The following TXNDC12 variants were observed in gnomAD, a reference collection of about 807,000 sequenced individuals.
TXNDC12 encodes the protein thioredoxin domain containing 12.
A neutral mutation model predicts 24.2 loss-of-function variants in TXNDC12; 22 were observed. That is an observed-to-expected ratio of 0.91 (90% CI 0.65 to 1.30). TXNDC12 has a LOEUF of 1.30. TXNDC12 is among the 50% of genes most tolerant of loss of function. The pLI, the probability that TXNDC12 is intolerant of heterozygous loss-of-function variation, is 0.00. For synonymous variants in TXNDC12, 58 were observed against 73.4 expected (o/e 0.79, Z 1.07); for missense variants, 184 against 205.8 (o/e 0.89, Z 0.65).
intron 1 of TXNDC12, 71 bp downstream of exon 1, chr1:52,054,929 G>T: frequency 8.2e-7 from 1 of 1,219,478 alleles, no homozygotes; most frequent in Non-Finnish European, 1.2e-6. Flanking sequence ...AACGGTGCTA[G>T]GGCAAGAAGA....
At chr1:52,045,109 G>T (rs1686066820) in intron 1 of TXNDC12, among the ~76,000 whole-genome samples, 1 of 152,268 alleles carries the variant, frequency 6.6e-6, no homozygotes, top group East Asian at 1.9e-4. Flanking sequence ...GCCACGAAAA[G>T]ACATTGAAGA....
At chr1:52,046,866 A>AAAT (rs1229275355) in intron 1 of TXNDC12, among the ~76,000 whole-genome samples, 101 of 30,150 alleles carry the variant, frequency 3.3e-3, no homozygotes, top group Middle Eastern at 0.021. Flanking sequence ...AAAAAAAAAA[A>AAAT]ATATATATAT....
intron 1 of TXNDC12, among the ~76,000 whole-genome samples, chr1:52,041,973 C>T (rs1261938492): frequency 6.6e-6 from 1 of 152,198 alleles, no homozygotes; most frequent in African/African-American, 2.4e-5. Context: ...TTCAGCAATA[C>T]AGCTTTAGAT....
At chr1:52,029,755 ATAAAT>A (rs1320973743) in intron 2 of TXNDC12, among the ~76,000 whole-genome samples, 2 of 152,222 alleles carry the variant, frequency 1.3e-5, no homozygotes, top group Admixed American at 1.3e-4. Flanking sequence ...GTAAATATAC[ATAAAT>A]TAACTCATTT....
chr1:52,044,234 CA>C (rs1455545579), intron 1 of TXNDC12: 7 of 152,214 alleles, frequency 4.6e-5, no homozygotes, highest in African/African-American at 1.7e-4. Flanking sequence ...CCTCCATAAA[CA>C]CAAAGCAAGC....
chr1:52,034,054 A>G, intron 2 of TXNDC12: 1 of 1,336,394 alleles, frequency 7.5e-7, no homozygotes, highest in Non-Finnish European at 9.5e-7. Flanking sequence ...AATAAGGCCT[A>G]AGGGGCATTA....
At chr1:52,034,945 G>A (rs1288021447) in intron 2 of TXNDC12, among the ~76,000 whole-genome samples, 1 of 151,822 alleles carries the variant, frequency 6.6e-6, no homozygotes, top group Non-Finnish European at 1.5e-5. Flanking sequence ...TGTATTTTTA[G>A]TAGAGACGGG....
At chr1:52,029,756 T>C (rs1404270252) in intron 2 of TXNDC12, among the ~76,000 whole-genome samples, 3 of 152,222 alleles carry the variant, frequency 2.0e-5, no homozygotes, top group African/African-American at 4.8e-5. Flanking sequence ...TAAATATACA[T>C]AAATTAACTC....
chr1:52,033,806 G>A (rs1685831150), intron 2 of TXNDC12: 5 of 1,511,680 alleles, frequency 3.3e-6, no homozygotes, highest in Non-Finnish European at 2.7e-6. Context: ...GCCAACTTCC[G>A]GGTTGTACGC....
intron 2 of TXNDC12, chr1:52,032,470 G>T: frequency 7.6e-7 from 1 of 1,312,772 alleles, no homozygotes; most frequent in Non-Finnish European, 9.7e-7. Flanking sequence ...TCCTCTGAGG[G>T]ATTTGCCAGG....
intron 2 of TXNDC12, chr1:52,033,439 A>T: frequency 1.2e-6 from 2 of 1,612,918 alleles, no homozygotes; most frequent in Non-Finnish European, 1.7e-6. Context: ...GCCGGGCCGT[A>T]CGCAGTAGAC....
intron 4 of TXNDC12, 68 bp downstream of exon 4, chr1:52,027,207 T>C: frequency 6.6e-6 from 8 of 1,215,588 alleles, no homozygotes; most frequent in Non-Finnish European, 9.6e-6. Flanking sequence ...GTAATGAATA[T>C]GCACGAATGA....
intron 4 of TXNDC12, among the ~76,000 whole-genome samples, chr1:52,025,497 C>T (rs1685659703): frequency 2.0e-5 from 3 of 152,220 alleles, no homozygotes. Flanking sequence ...GGATCACAGG[C>T]ATAAGCCACC....
chr1:52,033,740 C>G, intron 2 of TXNDC12: 1 of 1,603,550 alleles, frequency 6.2e-7, no homozygotes, highest in Non-Finnish European at 8.5e-7. Context: ...TACGGCAGCC[C>G]GCAAAACACC....
chr1:52,034,719 C>G (rs900912180), intron 2 of TXNDC12, among the ~76,000 whole-genome samples: 1 of 151,922 alleles, frequency 6.6e-6, no homozygotes, highest in Non-Finnish European at 1.5e-5. Context: ...ACTGGGAATA[C>G]AGGTGTGTGA....
At chr1:52,044,406 C>T (rs1572009547) in intron 1 of TXNDC12, 2 of 152,152 alleles carry the variant, frequency 1.3e-5, no homozygotes, top group Non-Finnish European at 2.9e-5. Context: ...TCAGATGAAT[C>T]AAATGCCAAA....
chr1:52,021,786 A>G (rs1345190767), intron 6 of TXNDC12, among the ~76,000 whole-genome samples: 1 of 152,182 alleles, frequency 6.6e-6, no homozygotes, highest in Non-Finnish European at 1.5e-5. Context: ...TTGCAAAGCC[A>G]AACCATAAGC....
chr1:52,033,718 C>A (rs1255149599), intron 2 of TXNDC12: 3 of 1,610,206 alleles, frequency 1.9e-6, no homozygotes, highest in Non-Finnish European at 2.5e-6. Flanking sequence ...AGCACGCCGG[C>A]TCTTGCCGCT....
chr1:52,042,452 A>G (rs1686009964), intron 1 of TXNDC12, among the ~76,000 whole-genome samples: 2 of 149,550 alleles, frequency 1.3e-5, no homozygotes, highest in Non-Finnish European at 3.0e-5. Flanking sequence ...TACACCCTAT[A>G]CTATACTTTC....
Sources: allele counts gnomAD v4.1 joint callset (sites outside exome capture counted in the v4.1 genomes callset), GRCh38; gene constraint gnomAD v4.1.1; transcripts MANE v1.5; gene names NCBI Gene and HGNC (gene_info 2026-07-23, HGNC 2026-07-21).